The following SEZ6L variants were observed in gnomAD, a reference collection of about 807,000 sequenced individuals.
SEZ6L encodes the protein seizure 6-like protein.
In SEZ6L, 37 loss-of-function variants were observed where a neutral mutation model predicts 106.2. That is an observed-to-expected ratio of 0.35 (90% confidence interval 0.27 to 0.46). The LOEUF (loss-of-function observed/expected upper bound fraction) is 0.46. Among genes scored for constraint, SEZ6L ranks in the 20% least tolerant of loss-of-function variants. The probability of loss-of-function intolerance (pLI) is 1.00; values close to 1 mark genes in which losing one functional copy is unlikely to be tolerated. For missense variants in SEZ6L, 1,172 were observed against 1,332.8 expected, an observed-to-expected ratio of 0.88 and a Z score of 1.88; for synonymous variants, 541 against 570.4, an observed-to-expected ratio of 0.95 and a Z score of 0.73.
At chr22:26,357,251 A>C (rs2083468288) in intron 12 of SEZ6L, among the ~76,000 whole-genome samples, 1 of 152,054 alleles carries the variant, frequency 6.6e-6, no homozygotes, top group South Asian at 2.1e-4. Context: ...GGCCCTCAGA[A>C]CTTTTTTTAA....
chr22:26,229,214 C>G (rs1185777612), intron 1 of SEZ6L, among the ~76,000 whole-genome samples: 1 of 152,148 alleles, frequency 6.6e-6, no homozygotes, highest in Non-Finnish European at 1.5e-5. Flanking sequence ...CCAGGTTTGT[C>G]TGGAACTCCT....
chr22:26,189,660 A>C (rs1940039418), intron 1 of SEZ6L, among the ~76,000 whole-genome samples: 1 of 152,236 alleles, frequency 6.6e-6, no homozygotes, highest in African/African-American at 2.4e-5. Flanking sequence ...GATGATGTGC[A>C]TAAGTTGTAC....
chr22:26,368,676 T>A (rs2083901248), intron 13 of SEZ6L, among the ~76,000 whole-genome samples: 1 of 152,156 alleles, frequency 6.6e-6, no homozygotes, highest in Non-Finnish European at 1.5e-5. Flanking sequence ...CCATTGTGAA[T>A]ATGCTGAATG....
chr22:26,203,327 T>C (rs79360), intron 1 of SEZ6L, among the ~76,000 whole-genome samples: 104,418 of 152,168 alleles, frequency 0.69, 37,546 homozygotes, highest in African/African-American at 0.91. Context: ...GGCCTTTTTG[T>C]TCTCTGCATC....
chr22:26,367,365 A>G (rs1342318025), intron 13 of SEZ6L, among the ~76,000 whole-genome samples: 5 of 151,886 alleles, frequency 3.3e-5, no homozygotes, highest in Non-Finnish European at 5.9e-5. Context: ...TTGTTTGGAG[A>G]CAGGGTCTTA....
chr22:26,271,993 A>G (rs1334166902), intron 1 of SEZ6L, among the ~76,000 whole-genome samples: 1 of 152,264 alleles, frequency 6.6e-6, no homozygotes, highest in Non-Finnish European at 1.5e-5. Context: ...CTACATAGTG[A>G]GAAACAAGGA....
chr22:26,198,106 T>C (rs1376645076), intron 1 of SEZ6L, among the ~76,000 whole-genome samples: 5 of 152,226 alleles, frequency 3.3e-5, no homozygotes, highest in Non-Finnish European at 5.9e-5. Context: ...TCTTTGCTCT[T>C]TGAGACTACA....
intron 1 of SEZ6L, among the ~76,000 whole-genome samples, chr22:26,172,113 G>A (rs2123756366): frequency 6.6e-6 from 1 of 152,160 alleles, no homozygotes; most frequent in African/African-American, 2.4e-5. Flanking sequence ...ATATGCACAT[G>A]GGGAATAATT....
intron 6 of SEZ6L, among the ~76,000 whole-genome samples, chr22:26,310,212 G>A (rs1050209027): frequency 2.0e-5 from 3 of 152,228 alleles, no homozygotes; most frequent in Admixed American, 6.5e-5. Flanking sequence ...AAACAGGTTC[G>A]ATAAGGTGAT....
chr22:26,343,175 C>G (rs764058693), intron 10 of SEZ6L, among the ~76,000 whole-genome samples: 2 of 152,078 alleles, frequency 1.3e-5, no homozygotes, highest in African/African-American at 4.8e-5. Context: ...GACTCAGCTG[C>G]CTTTGGAGGA....
intron 1 of SEZ6L, among the ~76,000 whole-genome samples, chr22:26,198,897 G>A (rs534435493): frequency 7.2e-5 from 11 of 152,184 alleles, no homozygotes; most frequent in African/African-American, 2.2e-4. Flanking sequence ...GGAATATACT[G>A]CAATTCTCTG....
chr22:26,354,050 C>G (rs1323293052), intron 12 of SEZ6L, among the ~76,000 whole-genome samples: 1 of 150,306 alleles, frequency 6.7e-6, no homozygotes, highest in South Asian at 2.1e-4. Flanking sequence ...TCTTCGACAT[C>G]CTAACCCATG....
At chr22:26,226,438 T>C (rs1242994370) in intron 1 of SEZ6L, among the ~76,000 whole-genome samples, 1 of 152,242 alleles carries the variant, frequency 6.6e-6, no homozygotes, top group Non-Finnish European at 1.5e-5. Flanking sequence ...CAGTTCTGGA[T>C]AGCACCTCTC....
intron 1 of SEZ6L, among the ~76,000 whole-genome samples, chr22:26,217,649 C>G (rs1211295850): frequency 6.6e-6 from 1 of 152,194 alleles, no homozygotes; most frequent in East Asian, 1.9e-4. Flanking sequence ...TGAGCAAGTC[C>G]CCCACTCTGG....
chr22:26,243,157 C>T (rs1405262033), intron 1 of SEZ6L, among the ~76,000 whole-genome samples: 3 of 152,198 alleles, frequency 2.0e-5, no homozygotes, highest in East Asian at 3.8e-4. Flanking sequence ...TGAATGATCT[C>T]ATCTTAACTT....
chr22:26,302,687 T>G (rs979430168), intron 5 of SEZ6L, among the ~76,000 whole-genome samples: 1 of 152,162 alleles, frequency 6.6e-6, no homozygotes, highest in Admixed American at 6.5e-5. Context: ...CATAGGGCAG[T>G]TGGTCTTCAC....
intron 4 of SEZ6L, among the ~76,000 whole-genome samples, chr22:26,298,194 A>C (rs1403469615): frequency 6.6e-6 from 1 of 152,216 alleles, no homozygotes; most frequent in Non-Finnish European, 1.5e-5. Flanking sequence ...TAAAAGCAAC[A>C]ACAAAAAAGA....
At chr22:26,252,153 A>G (rs914728298) in intron 1 of SEZ6L, among the ~76,000 whole-genome samples, 1 of 152,186 alleles carries the variant, frequency 6.6e-6, no homozygotes, top group Non-Finnish European at 1.5e-5. Context: ...CATTTTAACA[A>G]GGTCCCCAGG....
At chr22:26,191,931 G>A (rs1041987370) in intron 1 of SEZ6L, among the ~76,000 whole-genome samples, 3 of 152,054 alleles carry the variant, frequency 2.0e-5, no homozygotes, top group Admixed American at 2.0e-4. Context: ...AAAGTCAGGA[G>A]TGAGGGCACA....
Sources: allele counts gnomAD v4.1 joint callset (sites outside exome capture counted in the v4.1 genomes callset), GRCh38; gene constraint gnomAD v4.1.1; transcripts MANE v1.5; gene names NCBI Gene and HGNC (gene_info 2026-07-23, HGNC 2026-07-21).